Variants in R3HCC1L observed in about 807,000 individuals in gnomAD.
R3HCC1L encodes R3H domain and coiled-coil containing 1 like.
R3HCC1L carries 51 observed loss-of-function variants against 59.9 expected under a neutral mutation model. The observed-to-expected ratio is 0.85, with a 90% CI of 0.68 to 1.07. The LOEUF is 1.07. Among genes scored for constraint, R3HCC1L ranks in the 50% least tolerant of loss-of-function variants. The pLI, the probability that R3HCC1L is intolerant of heterozygous loss-of-function variation, is 0.00. For synonymous variants in R3HCC1L, 322 were observed against 315.2 expected (o/e 1.02, Z -0.23); for missense variants, 965 against 933.0 (o/e 1.03, Z -0.45).
At chr10:98,136,034 G>C (rs866408379) in intron 1 of R3HCC1L, among the ~76,000 whole-genome samples, 1 of 78,328 alleles carries the variant, frequency 1.3e-5, no homozygotes, top group Admixed American at 1.3e-4. Context: ...TTTTTTTTTT[G>C]GGTAGAATCA....
chr10:98,238,999 A>C (rs1294225915), intron 9 of R3HCC1L, among the ~76,000 whole-genome samples: 1 of 152,190 alleles, frequency 6.6e-6, no homozygotes, highest in Non-Finnish European at 1.5e-5. Context: ...GAAATGAGGA[A>C]ATCTGGGCTC....
intron 5 of R3HCC1L, among the ~76,000 whole-genome samples, chr10:98,216,708 G>A (rs1232642995): frequency 2.0e-5 from 3 of 151,170 alleles, no homozygotes; most frequent in East Asian, 4.0e-4. Context: ...GAGTAGCTGG[G>A]ACCACAGGAG....
chr10:98,198,779 G>A (rs1383926678), intron 4 of R3HCC1L, among the ~76,000 whole-genome samples: 1 of 152,102 alleles, frequency 6.6e-6, no homozygotes, highest in East Asian at 1.9e-4. Flanking sequence ...CCATGCTGCT[G>A]AAGCCAACAA....
chr10:98,228,644 A>G (rs1855970182), intron 5 of R3HCC1L, among the ~76,000 whole-genome samples: 1 of 152,192 alleles, frequency 6.6e-6, no homozygotes, highest in Admixed American at 6.5e-5. Flanking sequence ...TGTTTTAGAC[A>G]TGAAGTCCTT....
chr10:98,180,748 A>C (rs1052495602), intron 4 of R3HCC1L, among the ~76,000 whole-genome samples: 2 of 152,168 alleles, frequency 1.3e-5, no homozygotes. Flanking sequence ...TATTGAGTTC[A>C]TAGATATTTA....
intron 4 of R3HCC1L, among the ~76,000 whole-genome samples, chr10:98,172,494 C>T (rs117725088): frequency 5.3e-5 from 8 of 152,236 alleles, no homozygotes; most frequent in East Asian, 3.9e-4. Context: ...GGCTTCTGAC[C>T]GCTGAAATAT....
rs555144265 is a variant in R3HCC1L, at chr10:98,152,640, C to T, written c.-267-3453C>T. The stretch of plus-strand genomic sequence containing the variant: ...AGATGCGGGGAGCGCCTCTGCCCCG[C>T]CACCCCGTCTGGGATGTGAGGAGCG... On this transcript the variant is annotated intron_variant, in intron 1 of 9. Transcript: ENST00000298999. 4.0e-5 allele frequency among the ~76,000 whole-genome samples: 5 copies of T among 125,574 alleles called. 1 individual carries two copies. In the South Asian group the frequency reaches 1.7e-3, roughly 43 times the overall value. The allele number at this position is 125,574 out of a possible 152,430, so 82.4% of individuals were successfully genotyped here.
At chr10:98,180,042 G>C (rs1229991000) in intron 4 of R3HCC1L, among the ~76,000 whole-genome samples, 1 of 152,046 alleles carries the variant, frequency 6.6e-6, no homozygotes, top group Admixed American at 6.6e-5. Context: ...AAGGGTTTTT[G>C]TGTCTCTATT....
At chr10:98,235,643 T>G (rs941401375) in intron 8 of R3HCC1L, 123 bp downstream of exon 8, 5 of 794,108 alleles carry the variant, frequency 6.3e-6, no homozygotes, top group Non-Finnish European at 9.6e-6. Flanking sequence ...AAAAGAAATA[T>G]GTTTTTAAGA....
chr10:98,141,987 A>G (rs549653647), intron 1 of R3HCC1L, among the ~76,000 whole-genome samples: 54 of 152,344 alleles, frequency 3.5e-4, no homozygotes, highest in African/African-American at 1.3e-3. Context: ...ATCACTTTTT[A>G]AATGTCAATG....
rs1395848514 is a variant in R3HCC1L, at chr10:98,209,556, G to A, written c.1442G>A (p.Ser481Asn). 1.2e-6 allele frequency: 2 copies of A among 1,613,932 alleles called. No homozygotes were observed. The highest frequency in any genetic ancestry group is 1.7e-6 in the Non-Finnish European group (2 of 1,179,950). ...SSLPIKKIAGSNYNTFLDSEL... is the reference protein window; with the variant it reads ...SSLPIKKIAGNNYNTFLDSEL... ...TTACCTATAAAAAAGATTGCTGGTAGTAATTATAACACTTTTTTGGACTCT... is the reference window on the plus strand; with the variant it reads ...TTACCTATAAAAAAGATTGCTGGTAATAATTATAACACTTTTTTGGACTCT... The change falls in exon 5 of 10, where the codon AGT becomes AAT. Residue 481 changes from serine to asparagine, a missense_variant. By Grantham distance (46) the Ser-to-Asn change is conservative (BLOSUM62 1). Transcript: ENST00000298999.
In R3HCC1L at chr10:98,231,510, A is replaced by G; in HGVS notation, c.1786-2A>G. The G allele has an allele frequency of 6.2e-7, 1 of 1,609,396 alleles. No homozygotes were observed. Among genetic ancestry groups the G allele is most frequent in the Non-Finnish European group, 8.5e-7 (1 of 1,178,634 alleles). ...GCACTTAACGTGCTTCTTCCTTTCTAGTTATCAGGGAATACCAAGAGCAGA... is the reference window on the plus strand; with the variant it reads ...GCACTTAACGTGCTTCTTCCTTTCTGGTTATCAGGGAATACCAAGAGCAGA... On this transcript the variant is annotated splice_acceptor_variant, in intron 5 of 9. Coordinates refer to ENST00000298999, the MANE Select transcript of R3HCC1L (RefSeq NM_001351015.2). LOFTEE classifies it high-confidence loss of function.
At chr10:98,164,460 A>C (rs542787846) in intron 4 of R3HCC1L, among the ~76,000 whole-genome samples, 1 of 152,348 alleles carries the variant, frequency 6.6e-6, no homozygotes, top group African/African-American at 2.4e-5. Flanking sequence ...GAGTAGAAGC[A>C]TAGGATTTCA....
chr10:98,149,766 T>C (rs1845971639), intron 1 of R3HCC1L, among the ~76,000 whole-genome samples: 1 of 152,242 alleles, frequency 6.6e-6, no homozygotes, highest in South Asian at 2.1e-4. Context: ...GTTCCATGTC[T>C]GGATGAAAAG....
intron 5 of R3HCC1L, chr10:98,230,962 C>G (rs1213573121): frequency 5.4e-6 from 2 of 373,482 alleles, no homozygotes; most frequent in Non-Finnish European, 1.1e-5. Context: ...TTAAGTATAA[C>G]TACTTGTACC....
intron 1 of R3HCC1L, among the ~76,000 whole-genome samples, chr10:98,135,770 C>G (rs1844510177): frequency 6.6e-6 from 1 of 152,180 alleles, no homozygotes; most frequent in South Asian, 2.1e-4. Context: ...CTATCTCTTG[C>G]TGTTATAACC....
intron 1 of R3HCC1L, among the ~76,000 whole-genome samples, chr10:98,136,563 C>T (rs115120427): frequency 0.033 from 4,987 of 152,222 alleles, 249 homozygotes; most frequent in African/African-American, 0.11. Context: ...TGTCCAGACG[C>T]GGTGCCTCAC....
chr10:98,229,726 A>G (rs1172725932), intron 5 of R3HCC1L, among the ~76,000 whole-genome samples: 1 of 152,166 alleles, frequency 6.6e-6, no homozygotes, highest in Non-Finnish European at 1.5e-5. Context: ...TTTGTCATAA[A>G]TGGCTCTTAT....
Position 98,175,321 on chromosome 10 carries a change from A to T in R3HCC1L, c.-15+11924A>T, listed in dbSNP as rs542501497. Among the ~76,000 whole-genome samples, 256 of 152,256 alleles carry T rather than the reference A, an allele frequency of 1.7e-3. 1 individual carries two copies. The highest frequency in any genetic ancestry group is 5.9e-3 in the African/African-American group (246 of 41,566). On this transcript the variant is annotated intron_variant, in intron 4 of 9. Coordinates refer to ENST00000298999, the MANE Select transcript of R3HCC1L (RefSeq NM_001351015.2). The stretch of plus-strand genomic sequence containing the variant: ...AGAGATGTCATTTTTTTCATTAAAA[A>T]ACTTAAGATTATATATGGCAAACTT...
Sources: allele counts gnomAD v4.1 joint callset (sites outside exome capture counted in the v4.1 genomes callset), GRCh38; gene constraint gnomAD v4.1.1; transcripts MANE v1.5; gene names NCBI Gene and HGNC (gene_info 2026-07-23, HGNC 2026-07-21).